The following DNAJC10 variants were observed in gnomAD, a reference collection of about 807,000 sequenced individuals.
The protein encoded by DNAJC10 is DnaJ heat shock protein family (Hsp40) member C10, also known as endoplasmic reticulum disulfide reductase DNAJC10.
A neutral mutation model predicts 115.0 loss-of-function variants in DNAJC10; 101 were observed. That is an observed-to-expected ratio of 0.88 (90% CI 0.75 to 1.04). DNAJC10 has a LOEUF of 1.04. DNAJC10 is among the 50% of genes least tolerant of loss of function. The probability of loss-of-function intolerance (pLI) is 0.00; values close to 1 mark genes in which losing one functional copy is unlikely to be tolerated. For synonymous variants in DNAJC10, 307 were observed against 301.5 expected (o/e 1.02, Z -0.19); for missense variants, 981 against 928.8 (o/e 1.06, Z -0.73).
intron 22 of DNAJC10, among the ~76,000 whole-genome samples, 174 bp from the exon 23 acceptor site, chr2:182,775,142 A>G (rs1307404431): frequency 1.3e-5 from 2 of 149,912 alleles, no homozygotes; most frequent in Non-Finnish European, 2.9e-5. Context: ...TTTTAGGTAC[A>G]TTATGGGTTA....
At chr2:182,741,534 A>T (rs928276111) in intron 13 of DNAJC10, among the ~76,000 whole-genome samples, 178 bp downstream of exon 13, 2 of 152,182 alleles carry the variant, frequency 1.3e-5, no homozygotes, top group Non-Finnish European at 2.9e-5. Context: ...TTTATATGTA[A>T]TCTGAAAGTG....
At chr2:182,721,670 G>A (rs1693152931) in intron 4 of DNAJC10, among the ~76,000 whole-genome samples, 1 of 152,006 alleles carries the variant, frequency 6.6e-6, no homozygotes, top group Non-Finnish European at 1.5e-5. Context: ...CACCATTAGA[G>A]GAAGGTGAGT....
intron 11 of DNAJC10, chr2:182,739,700 G>C: frequency 9.7e-7 from 1 of 1,029,068 alleles, no homozygotes; most frequent in South Asian, 3.6e-5. Context: ...ACAAGTTTAA[G>C]ATAAGATCTG....
chr2:182,745,652 G>A (rs1386561790), intron 14 of DNAJC10, among the ~76,000 whole-genome samples: 4 of 151,802 alleles, frequency 2.6e-5, no homozygotes, highest in Non-Finnish European at 5.9e-5. Context: ...GAACATTGTG[G>A]ACTATTAGGG....
chr2:182,756,780 A>C (rs963692192), intron 18 of DNAJC10, among the ~76,000 whole-genome samples: 2 of 152,088 alleles, frequency 1.3e-5, no homozygotes, highest in Non-Finnish European at 2.9e-5. Flanking sequence ...CTGGGATTAC[A>C]GGCATGTGCC....
At chr2:182,745,108 T>C (rs544610481) in intron 14 of DNAJC10, among the ~76,000 whole-genome samples, 4 of 152,338 alleles carry the variant, frequency 2.6e-5, no homozygotes, top group African/African-American at 9.6e-5. Context: ...TTATTTCTTA[T>C]AGCATAAGCG....
At chr2:182,739,511 G>A in intron 11 of DNAJC10, 2 of 1,187,920 alleles carry the variant, frequency 1.7e-6, no homozygotes, top group Non-Finnish European at 2.1e-6. Flanking sequence ...ACATTTTCTT[G>A]ATGTAACCAT....
intron 21 of DNAJC10, among the ~76,000 whole-genome samples, chr2:182,761,824 G>A (rs1694292723): frequency 6.6e-6 from 1 of 152,098 alleles, no homozygotes; most frequent in African/African-American, 2.4e-5. Flanking sequence ...CCTGTTCACA[G>A]TGAAAAGATT....
intron 20 of DNAJC10, 98 bp from the exon 21 acceptor site, chr2:182,759,062 A>G: frequency 8.6e-7 from 1 of 1,159,136 alleles, no homozygotes; most frequent in Admixed American, 2.6e-5. Flanking sequence ...CCCTTCCTTG[A>G]CATCATTTTT....
rs1033504328 is a variant in DNAJC10, at chr2:182,759,027, G to C, written c.1998-133G>C. 6.8e-5 allele frequency: 69 copies of C among 1,020,086 alleles called. No homozygotes were observed. The African/African-American group carries it at 8.5e-4, about 13-fold the overall frequency. The allele number at this position is 1,020,086 out of a possible 1,614,324, so 63.2% of individuals were successfully genotyped here. A position where few individuals can be genotyped will look rare whatever the true frequency, so the allele number is the denominator to read the frequency against. On this transcript the variant is annotated intron_variant, in intron 20 of 23. Coordinates refer to ENST00000264065, the MANE Select transcript of DNAJC10 (RefSeq NM_018981.4). ...CTTAGTAAAGTATTATATTAACCAAGATAGTACTGTACTTTATTACATTGC... is the reference window on the plus strand; with the variant it reads ...CTTAGTAAAGTATTATATTAACCAACATAGTACTGTACTTTATTACATTGC...
chr2:182,770,546 G>A (rs559335145), intron 22 of DNAJC10, among the ~76,000 whole-genome samples: 40 of 152,128 alleles, frequency 2.6e-4, no homozygotes, highest in Admixed American at 5.9e-4. Context: ...TTGTAAGTTG[G>A]ATTCCTAGGT....
intron 14 of DNAJC10, among the ~76,000 whole-genome samples, chr2:182,751,199 A>T (rs1448088042): frequency 7.8e-6 from 1 of 127,882 alleles, no homozygotes; most frequent in Non-Finnish European, 1.5e-5. Context: ...CAGTGTCGAG[A>T]TCACTGCTCA....
rs540507938 is a variant in DNAJC10, at chr2:182,776,636, A to G, written c.2371-485A>G. Among the ~76,000 whole-genome samples, 178 of 152,316 alleles carry G rather than the reference A, an allele frequency of 1.2e-3. 1 individual carries two copies. The highest frequency in any genetic ancestry group is 4.0e-3 in the African/African-American group (168 of 41,582). On this transcript the variant is annotated intron_variant, in intron 23 of 23. Coordinates refer to ENST00000264065, the MANE Select transcript of DNAJC10 (RefSeq NM_018981.4). ...GTTCAAACTGCAGACCCCAATAGAC[A>G]AAGCCTTACAACCTACCTCAAGAAT...
chr2:182,741,928 GC>G (rs1693747667), intron 13 of DNAJC10, among the ~76,000 whole-genome samples: 1 of 151,334 alleles, frequency 6.6e-6, no homozygotes, highest in South Asian at 2.1e-4. Flanking sequence ...TTCACTGTAT[GC>G]TTTTTTTTTT....
At chr2:182,731,285 A>G (rs1693440775) in intron 9 of DNAJC10, among the ~76,000 whole-genome samples, 178 bp downstream of exon 9, 2 of 151,986 alleles carry the variant, frequency 1.3e-5, no homozygotes, top group Admixed American at 1.3e-4. Context: ...ACATGAGGTT[A>G]TTATTCATTT....
chr2:182,767,259 CTTT>C (rs1694438006), intron 22 of DNAJC10, among the ~76,000 whole-genome samples: 1 of 152,288 alleles, frequency 6.6e-6, no homozygotes, highest in South Asian at 2.1e-4. Context: ...CTCATTTCCT[CTTT>C]TCAGGCAGTG....
intron 14 of DNAJC10, among the ~76,000 whole-genome samples, chr2:182,749,312 A>G (rs1267849315): frequency 1.4e-5 from 2 of 139,798 alleles, no homozygotes; most frequent in Admixed American, 1.4e-4. Context: ...TAGGTCACTC[A>G]GGACTTGCTT....
Position 182,729,898 on chromosome 2 carries a change from T to G in DNAJC10, c.684T>G (p.Phe228Leu). The stretch of plus-strand genomic sequence containing the variant: ...GATCAAAGGAGAGTTTAGTGAGTTT[T>G]GCAATGCAGCATGTTAGAAGTACAG... ...GDRSKESLVS[F>L]AMQHVRSTVT... Residue 228 changes from phenylalanine (F) to leucine (L), a missense_variant, in exon 8 of 24, where the codon TTT becomes TTG. By Grantham distance (22) the Phe-to-Leu change is conservative. Coordinates refer to ENST00000264065, the MANE Select transcript of DNAJC10 (RefSeq NM_018981.4). 1.9e-6 allele frequency: 3 copies of G among 1,610,946 alleles called. No individual in the cohort carries two copies. The highest frequency in any genetic ancestry group is 2.5e-6 in the Non-Finnish European group (3 of 1,178,606).
At chr2:182,740,069 A>G (rs1427765268) in intron 11 of DNAJC10, 3 of 1,028,168 alleles carry the variant, frequency 2.9e-6, no homozygotes, top group East Asian at 6.8e-5. Context: ...ACATCTTATA[A>G]TGGAATTTAT....
Sources: allele counts gnomAD v4.1 joint callset (sites outside exome capture counted in the v4.1 genomes callset), GRCh38; gene constraint gnomAD v4.1.1; transcripts MANE v1.5; gene names NCBI Gene and HGNC (gene_info 2026-07-23, HGNC 2026-07-21).